The following LRFN5 variants were observed in gnomAD, a reference collection of about 807,000 sequenced individuals.
The protein encoded by LRFN5 is leucine-rich repeat and fibronectin type-III domain-containing protein 5.
A neutral mutation model predicts 45.6 loss-of-function variants in LRFN5; 24 were observed. The ratio of observed to expected loss-of-function variants is 0.53; its 90% CI spans 0.38 to 0.74. LRFN5 has a LOEUF of 0.74. Ranked by LOEUF, LRFN5 falls within the 30% of genes least tolerant of loss-of-function variation. The probability of loss-of-function intolerance (pLI) is 0.00; values close to 1 mark genes in which losing one functional copy is unlikely to be tolerated. For synonymous variants in LRFN5, 340 were observed against 313.8 expected (o/e 1.08, Z -0.88); for missense variants, 776 against 861.5 (o/e 0.90, Z 1.24).
chr14:41,649,039 CTGG>C (rs1360921378), intron 1 of LRFN5, among the ~76,000 whole-genome samples: 1 of 151,864 alleles, frequency 6.6e-6, no homozygotes, highest in African/African-American at 2.4e-5. Context: ...CAAGACCAGC[CTGG>C]CCAACATGGC....
intron 1 of LRFN5, among the ~76,000 whole-genome samples, chr14:41,735,161 C>T (rs894966058): frequency 6.6e-6 from 1 of 152,162 alleles, no homozygotes; most frequent in African/African-American, 2.4e-5. Context: ...CACTACATTG[C>T]AATGTTTTCC....
chr14:41,685,172 A>G (rs1409389250), intron 1 of LRFN5, among the ~76,000 whole-genome samples: 1 of 152,154 alleles, frequency 6.6e-6, no homozygotes. Context: ...TGTAGAGAGA[A>G]GGGAACCCTC....
intron 2 of LRFN5, among the ~76,000 whole-genome samples, chr14:41,864,701 G>T (rs1386039144): frequency 6.6e-6 from 1 of 152,134 alleles, no homozygotes; most frequent in Non-Finnish European, 1.5e-5. Flanking sequence ...ACAGTGGGTA[G>T]ATAGCCCATC....
chr14:41,737,333 G>A (rs1224857346), intron 1 of LRFN5, among the ~76,000 whole-genome samples: 1 of 152,022 alleles, frequency 6.6e-6, no homozygotes, highest in East Asian at 1.9e-4. Context: ...AATAAACTAG[G>A]TACTGATGAA....
At chr14:41,820,079 G>A (rs759966153) in intron 2 of LRFN5, among the ~76,000 whole-genome samples, 7 of 151,752 alleles carry the variant, frequency 4.6e-5, no homozygotes, top group Non-Finnish European at 8.8e-5. Context: ...GTCTGATACT[G>A]TTGATTGTGT....
chr14:41,708,718 CTT>C (rs35500388), intron 1 of LRFN5, among the ~76,000 whole-genome samples: 2 of 147,948 alleles, frequency 1.4e-5, no homozygotes, highest in South Asian at 2.1e-4. Context: ...TGCTGAATTC[CTT>C]TTTTTTTTTA....
At chr14:41,715,630 A>G (rs1050485923) in intron 1 of LRFN5, among the ~76,000 whole-genome samples, 2 of 152,196 alleles carry the variant, frequency 1.3e-5, no homozygotes, top group African/African-American at 4.8e-5. Flanking sequence ...TATTCAGCTC[A>G]CATTTCTGGA....
intron 1 of LRFN5, among the ~76,000 whole-genome samples, chr14:41,761,112 C>G (rs546953884): frequency 6.6e-6 from 1 of 152,142 alleles, no homozygotes; most frequent in African/African-American, 2.4e-5. Context: ...TACTTGGGTG[C>G]ATGTGCATAC....
intron 2 of LRFN5, among the ~76,000 whole-genome samples, chr14:41,877,972 C>A (rs1159614653): frequency 6.6e-6 from 1 of 151,888 alleles, no homozygotes; most frequent in Admixed American, 6.6e-5. Flanking sequence ...ATAATCAAAT[C>A]CCAAAATGTA....
At chr14:41,658,068 T>C (rs1880461764) in intron 1 of LRFN5, among the ~76,000 whole-genome samples, 1 of 152,040 alleles carries the variant, frequency 6.6e-6, no homozygotes, top group Non-Finnish European at 1.5e-5. Context: ...GAAAACATTT[T>C]TCTTAAATCT....
At chr14:41,745,669 T>A (rs780524024) in intron 1 of LRFN5, among the ~76,000 whole-genome samples, 35 of 152,004 alleles carry the variant, frequency 2.3e-4, no homozygotes, top group African/African-American at 2.9e-4. Context: ...AATAAGTTTG[T>A]TATAAGAAAT....
chr14:41,871,690 C>T (rs1210356273), intron 2 of LRFN5, among the ~76,000 whole-genome samples: 1 of 152,084 alleles, frequency 6.6e-6, no homozygotes, highest in Non-Finnish European at 1.5e-5. Context: ...CCATTATATC[C>T]TCCAAGGTTT....
intron 1 of LRFN5, among the ~76,000 whole-genome samples, chr14:41,703,381 T>C (rs943691602): frequency 1.3e-5 from 2 of 152,136 alleles, no homozygotes; most frequent in Non-Finnish European, 2.9e-5. Flanking sequence ...TTATTTTTCC[T>C]GAAAAATCAA....
At chr14:41,831,564 A>T in intron 2 of LRFN5, among the ~76,000 whole-genome samples, 1 of 152,170 alleles carries the variant, frequency 6.6e-6, no homozygotes, top group East Asian at 1.9e-4. Context: ...ATCTCTATAT[A>T]TATGCTTGGT....
intron 1 of LRFN5, among the ~76,000 whole-genome samples, chr14:41,757,323 G>GT (rs1295512903): frequency 1.3e-5 from 2 of 152,196 alleles, no homozygotes; most frequent in Non-Finnish European, 2.9e-5. Context: ...GATTTCTGCT[G>GT]CCTTTTGTTT....
At chr14:41,757,968 G>T (rs1405163396) in intron 1 of LRFN5, among the ~76,000 whole-genome samples, 3 of 152,006 alleles carry the variant, frequency 2.0e-5, no homozygotes, top group Admixed American at 1.3e-4. Context: ...CTTTTTCCAT[G>T]GTGGCTCATA....
At chr14:41,681,620 G>T (rs1307077529) in intron 1 of LRFN5, among the ~76,000 whole-genome samples, 1 of 151,786 alleles carries the variant, frequency 6.6e-6, no homozygotes, top group South Asian at 2.1e-4. Context: ...AATAACAAAA[G>T]GGTCCTACCA....
At chr14:41,666,442 G>T (rs1230104533) in intron 1 of LRFN5, among the ~76,000 whole-genome samples, 1 of 152,038 alleles carries the variant, frequency 6.6e-6, no homozygotes, top group Non-Finnish European at 1.5e-5. Flanking sequence ...ATCCATCTTA[G>T]TGTTTAGCAT....
chr14:41,657,254 GT>G (rs1019608021), intron 1 of LRFN5, among the ~76,000 whole-genome samples: 2 of 151,922 alleles, frequency 1.3e-5, no homozygotes, highest in African/African-American at 2.4e-5. Flanking sequence ...ATTTATAAAT[GT>G]TTTATAGGTA....
Sources: gnomAD v4.1 joint callset for allele counts (sites outside exome capture counted in the v4.1 genomes callset) on GRCh38, gnomAD v4.1.1 for gene constraint, MANE v1.5 for transcripts, NCBI Gene and HGNC (gene_info 2026-07-23, HGNC 2026-07-21) for gene names.